Variants in MAPK7 observed in about 807,000 individuals in gnomAD.
MAPK7 encodes the protein mitogen-activated protein kinase 7.
MAPK7 carries 30 observed loss-of-function variants against 56.9 expected under a neutral mutation model. The ratio of observed to expected loss-of-function variants is 0.53; its 90% CI spans 0.39 to 0.72. The LOEUF (loss-of-function observed/expected upper bound fraction) is 0.72. Ranked by LOEUF, MAPK7 falls within the 30% of genes least tolerant of loss-of-function variation. MAPK7 has a pLI of 0.00. For missense variants in MAPK7, 952 were observed against 1,110.8 expected, an observed-to-expected ratio of 0.86 and a Z score of 2.03; for synonymous variants, 516 against 449.3, an observed-to-expected ratio of 1.15 and a Z score of -1.88.
chr17:19,380,815 T>C lies in MAPK7; in HGVS notation c.606T>C (p.Gly202=). 2 of 1,613,152 alleles carry C rather than the reference T, an allele frequency of 1.2e-6. No individual in the cohort carries two copies. Among genetic ancestry groups the C allele is most frequent in the Non-Finnish European group, 1.7e-6 (2 of 1,179,270 alleles). The change falls in exon 4 of 7, where the codon GGT becomes GGC. Residue 202 remains glycine, a synonymous_variant. Transcript: ENST00000395604. ...GTGAGCTCAAGATTGGTGACTTTGG[T>C]ATGGCTCGTGGCCTGTGCACCTCGC... ...ENCELKIGDF[G]MARGLCTSPA... is the part of the protein sequence containing the mutation.
rs1342937620 is a variant in MAPK7, at chr17:19,379,883, G to A, written c.334G>A (p.Asp112Asn). 6 of 1,614,188 alleles carry A rather than the reference G, an allele frequency of 3.7e-6. No homozygotes were observed. Among genetic ancestry groups the A allele is most frequent in the Non-Finnish European group, 5.1e-6 (6 of 1,180,038 alleles). Reference sequence around the variant, plus strand: ...GAAGATCCTCAAGCACTTTAAACACGACAACATCATCGCCATCAAGGACAT... The same window carrying A: ...GAAGATCCTCAAGCACTTTAAACACAACAACATCATCGCCATCAAGGACAT... ...ELKILKHFKHDNIIAIKDILR... is the reference protein window; with the variant it reads ...ELKILKHFKHNNIIAIKDILR... The change falls in exon 3 of 7, where the codon GAC becomes AAC. Residue 112 changes from aspartate to asparagine, a missense_variant. Asp to Asn is a conservative substitution (Grantham distance 23, BLOSUM62 1). This residue lies in a region of MAPK7 where 213 missense variants were observed against 243.2 expected (regional missense o/e 0.88). Coordinates refer to ENST00000395604, the MANE Select transcript of MAPK7 (RefSeq NM_002749.4).
In MAPK7 at chr17:19,379,070, T is replaced by G; in HGVS notation, c.170T>G (p.Ile57Ser). 6.2e-7 allele frequency: 1 copy of G among 1,613,916 alleles called. No individual in the cohort carries two copies. Among genetic ancestry groups the G allele is most frequent in the Non-Finnish European group, 8.5e-7 (1 of 1,179,964 alleles). Reference sequence around the variant, plus strand: ...TTTGACGTGGGCGACGAGTACGAGATCATCGAGACCATAGGCAACGGGGCC... The same window carrying G: ...TTTGACGTGGGCGACGAGTACGAGAGCATCGAGACCATAGGCAACGGGGCC... ...VTFDVGDEYE[I>S]IETIGNGAYG... The change falls in exon 2 of 7, where the codon ATC becomes AGC. Residue 57 changes from isoleucine to serine, a missense_variant. Ile to Ser is a moderately radical substitution (Grantham distance 142, BLOSUM62 -2). Coordinates refer to ENST00000395604, the MANE Select transcript of MAPK7 (RefSeq NM_002749.4).
chr17:19,381,902 A>G lies in MAPK7; in HGVS notation c.1599A>G (p.Lys533=), dbSNP rs779802451. 2 of 1,560,264 alleles carry G rather than the reference A, an allele frequency of 1.3e-6. No homozygotes were observed. The highest frequency in any genetic ancestry group is 1.7e-6 in the Non-Finnish European group (2 of 1,151,900). The change falls in exon 5 of 7, where the codon AAA becomes AAG. Residue 533 remains lysine, a synonymous_variant. Coordinates refer to ENST00000395604, the MANE Select transcript of MAPK7 (RefSeq NM_002749.4). This position sits in a 1 kb window ranked among gnomAD's most constrained non-coding sequence, Gnocchi z 4.6. The part of the protein sequence containing the change: ...RRQERAKERE[K]RRQERERKER... Reference sequence around the variant, plus strand: ...AAGAACGAGCCAAGGAGCGGGAGAAACGGCGGCAGGAGCGGGAGCGAAAGG... The same window carrying G: ...AAGAACGAGCCAAGGAGCGGGAGAAGCGGCGGCAGGAGCGGGAGCGAAAGG...
In MAPK7 at chr17:19,378,536, T is replaced by A. The variant is rs956781026; in HGVS notation, c.-100T>A. On this transcript the variant is annotated 5_prime_UTR_variant, in exon 1 of 7. Transcript: ENST00000395604. The surrounding 1 kb of genome is among the most constrained non-coding windows in gnomAD (Gnocchi z 5.4). ...ACGCTGAGGTGGTGGCTGCGGCCTT[T>A]GAACAAGTAAGTGAGCCACCCTCGG... The A allele has an allele frequency of 8.8e-7, 1 of 1,139,354 alleles. No homozygotes were observed. The highest frequency in any genetic ancestry group is 1.6e-5 in the African/African-American group (1 of 61,106). 70.6% of individuals were successfully genotyped at this position (1,139,354 alleles called of 1,614,324 possible). A position where few individuals can be genotyped will look rare whatever the true frequency, so the allele number is the denominator to read the frequency against.
intron 2 of MAPK7, chr17:19,379,524 A>C (rs78834929): frequency 1.8e-6 from 1 of 567,040 alleles, no homozygotes; most frequent in Non-Finnish European, 3.1e-6. Context: ...GCATCCGTGC[A>C]ACCTCCAACA....
In MAPK7 at chr17:19,381,161, C is replaced by G. The variant is rs370959187; in HGVS notation, c.952C>G (p.Arg318Gly). Residue 318 changes from arginine (R) to glycine (G), a missense_variant, in exon 4 of 7, where the codon CGC becomes GGC. Coordinates refer to ENST00000395604, the MANE Select transcript of MAPK7 (RefSeq NM_002749.4). This position sits in a 1 kb window ranked among gnomAD's most constrained non-coding sequence, Gnocchi z 4.6. ...PWETVYPGADRQALSLLGRML... is the reference protein window; with the variant it reads ...PWETVYPGADGQALSLLGRML... ...GGAGACAGTGTACCCAGGTGCCGAC[C>G]GCCAGGCCCTATCACTGCTGGGTCG... The G allele has an allele frequency of 4.3e-6, 7 of 1,614,116 alleles. No homozygotes were observed. The highest frequency in any genetic ancestry group is 5.9e-6 in the Non-Finnish European group (7 of 1,180,020).
intron 2 of MAPK7, 52 bp from the exon 3 acceptor site, chr17:19,379,730 C>G: frequency 1.3e-6 from 2 of 1,575,542 alleles, no homozygotes; most frequent in Middle Eastern, 1.7e-4. Flanking sequence ...TGAGTCGACT[C>G]TGCAGTTTCT....
In MAPK7 at chr17:19,383,329, C is replaced by G. The variant is rs749072223; in HGVS notation, c.*98C>G. On this transcript the variant is annotated 3_prime_UTR_variant, in exon 7 of 7. Coordinates refer to ENST00000395604, the MANE Select transcript of MAPK7 (RefSeq NM_002749.4). ...AGCCCTGGACCCAGCAGGTGAGGCT[C>G]GGCTTGGATTATTCTGCAGGTTCAT... is the stretch of plus-strand genomic sequence containing the variant. 3.7e-6 allele frequency: 5 copies of G among 1,368,300 alleles called. No individual in the cohort carries two copies. The highest frequency in any genetic ancestry group is 2.1e-5 in the Admixed American group (1 of 48,356). 84.8% of individuals were successfully genotyped at this position (1,368,300 alleles called of 1,614,324 possible). A position where few individuals can be genotyped will look rare whatever the true frequency, so the allele number is the denominator to read the frequency against.
Position 19,382,800 on chromosome 17 carries a change from T to C in MAPK7, c.2164-13T>C. The C allele has an allele frequency of 1.2e-6, 2 of 1,613,496 alleles. No homozygotes were observed. Among genetic ancestry groups the C allele is most frequent in the East Asian group, 4.5e-5 (2 of 44,882 alleles). ...CTCAGTCTGTCTGCATTGTAACCTG[T>C]CATTCCCTGCAGGTGGAGGACCCCC... On this transcript the variant is annotated splice_polypyrimidine_tract_variant and intron_variant, in intron 5 of 6. Transcript: ENST00000395604.
chr17:19,379,440 A>G (rs1014883045), intron 2 of MAPK7: 1 of 557,562 alleles, frequency 1.8e-6, no homozygotes, highest in Non-Finnish European at 3.2e-6. Context: ...CACTGGCATA[A>G]GGAACTGGTG....
rs541052326 is a variant in MAPK7, at chr17:19,381,840, C to T, written c.1537C>T (p.Arg513Cys). The change falls in exon 5 of 7, where the codon CGC (arginine) becomes TGC (cysteine). Residue 513 changes from arginine to cysteine, a missense_variant. Coordinates refer to ENST00000395604, the MANE Select transcript of MAPK7 (RefSeq NM_002749.4). This position sits in a 1 kb window ranked among gnomAD's most constrained non-coding sequence, Gnocchi z 4.6. Reference protein sequence around the residue: ...EPRKPVTAQERQREREEKRRR... With the variant: ...EPRKPVTAQECQREREEKRRR... ...TCGGAAGCCGGTGACAGCCCAGGAG[C>T]GCCAGCGGGAGCGGGAGGAGAAGCG... 2 of 1,586,016 alleles carry T rather than the reference C, an allele frequency of 1.3e-6. No individual in the cohort carries two copies. Among genetic ancestry groups the T allele is most frequent in the Non-Finnish European group, 1.7e-6 (2 of 1,166,128 alleles).
Position 19,379,859 on chromosome 17 carries a change from A to G in MAPK7, c.310A>G (p.Lys104Glu). ...TNAKRTLREL[K>E]ILKHFKHDNI... ...TGCCAAGCGGACCCTCAGGGAGCTG[A>G]AGATCCTCAAGCACTTTAAACACGA... Residue 104 changes from lysine (K) to glutamate (E), a missense_variant, in exon 3 of 7, where the codon AAG becomes GAG. Around this residue, in one of 5 missense-constraint regions of MAPK7, gnomAD observed 213 missense variants for 243.2 expected, o/e 0.88. Transcript: ENST00000395604. 1 of 1,614,214 alleles carries G rather than the reference A, an allele frequency of 6.2e-7. No individual in the cohort carries two copies. The highest frequency in any genetic ancestry group is 8.5e-7 in the Non-Finnish European group (1 of 1,180,020).
Position 19,382,174 on chromosome 17 carries a change from C to T in MAPK7, c.1871C>T (p.Thr624Ile), listed in dbSNP as rs780230210. 6.2e-7 allele frequency: 1 copy of T among 1,612,390 alleles called. No homozygotes were observed. The highest frequency in any genetic ancestry group is 8.5e-7 in the Non-Finnish European group (1 of 1,179,704). ...TGPQPQSAGS[T>I]SGPVPQPACP... ...CCGCAACCACAATCTGCGGGCTCTA[C>T]CTCTGGCCCTGTACCCCAGCCTGCC... is the stretch of plus-strand genomic sequence containing the variant. The change falls in exon 5 of 7, where the codon ACC (threonine) becomes ATC (isoleucine). Residue 624 changes from threonine (T) to isoleucine (I), a missense_variant. Thr to Ile is a moderately conservative substitution (Grantham distance 89). Transcript: ENST00000395604.
chr17:19,379,613 T>G, intron 2 of MAPK7, 169 bp from the exon 3 acceptor site: 1 of 626,366 alleles, frequency 1.6e-6, no homozygotes, highest in East Asian at 2.7e-5. Flanking sequence ...AAGGTAACAT[T>G]TAATAATGTA....
Position 19,379,489 on chromosome 17 carries a change from A to G in MAPK7, c.233-293A>G, listed in dbSNP as rs1449157187. 11 of 557,350 alleles carry G rather than the reference A, an allele frequency of 2.0e-5. 1 individual carries two copies. The highest frequency in any genetic ancestry group is 2.0e-4 in the South Asian group (9 of 45,868). The allele number at this position is 557,350 out of a possible 1,614,324, so 34.5% of individuals were successfully genotyped here. ...GGTCTGAGATGGAGAGGGTGTAGGC[A>G]TAAGAGGCTGAGCTACACCACTGGG... On this transcript the variant is annotated intron_variant, in intron 2 of 6. Coordinates refer to ENST00000395604, the MANE Select transcript of MAPK7 (RefSeq NM_002749.4).
intron 3 of MAPK7, 96 bp from the exon 4 acceptor site, chr17:19,380,512 T>TA: frequency 6.7e-7 from 1 of 1,500,414 alleles, no homozygotes; most frequent in Non-Finnish European, 8.9e-7. Context: ...GTAAGGCTGT[T>TA]ACCTGTCTGG....
rs756422120 is a variant in MAPK7 at position 19,383,266 on chromosome 17, C to G, written c.*35C>G. 7 of 1,609,308 alleles carry G rather than the reference C, an allele frequency of 4.3e-6. No individual in the cohort carries two copies. The highest frequency in any genetic ancestry group is 5.9e-6 in the Non-Finnish European group (7 of 1,176,898). The stretch of plus-strand genomic sequence containing the variant: ...CCTGTGCCTTGCTGCCACAGTAGAC[C>G]TAGTTCCAGGATCCATGGGAGCATT... On this transcript the variant is annotated 3_prime_UTR_variant, in exon 7 of 7. Coordinates refer to ENST00000395604, the MANE Select transcript of MAPK7 (RefSeq NM_002749.4).
chr17:19,378,429 A>T, upstream of MAPK7: 1 of 1,011,292 alleles, frequency 9.9e-7, no homozygotes, highest in Non-Finnish European at 1.2e-6. The surrounding 1 kb of genome is among the most constrained non-coding windows in gnomAD (Gnocchi z 5.4). Flanking sequence ...CCTCCGCAGC[A>T]GTAGCTCAGC....
rs1912314290 is a variant in MAPK7 at position 19,378,627 on chromosome 17, G to C, written c.-9G>C. The C allele has an allele frequency of 7.5e-7, 1 of 1,337,692 alleles. No homozygotes were observed. The highest frequency in any genetic ancestry group is 3.6e-5 in the Admixed American group (1 of 28,138). 82.9% of individuals were successfully genotyped at this position (1,337,692 alleles called of 1,614,324 possible). ...ACCTCTGAAAGCCTTGAGGAGGCGC[G>C]GGGGTGAGTGCGGCCCTGAGGAAAC... On this transcript the variant is annotated 5_prime_UTR_variant, in exon 1 of 7. Transcript: ENST00000395604. The surrounding 1 kb of genome is among the most constrained non-coding windows in gnomAD (Gnocchi z 5.4).
Sources: allele counts gnomAD v4.1 joint callset, GRCh38; gene constraint gnomAD v4.1.1; regional missense constraint gnomAD v4.1.1; non-coding constraint Gnocchi (gnomAD v3.1); transcripts MANE v1.5; gene names NCBI Gene and HGNC (gene_info 2026-07-23, HGNC 2026-07-21).